The following PCDH9 variants were observed in gnomAD, a reference collection of about 807,000 sequenced individuals.
PCDH9 encodes the protein protocadherin 9.
A neutral mutation model predicts 70.6 loss-of-function variants in PCDH9; 24 were observed. That is an observed-to-expected ratio of 0.34 (90% CI 0.25 to 0.48). PCDH9 has a LOEUF of 0.48. Among genes scored for constraint, PCDH9 ranks in the 20% least tolerant of loss-of-function variants. The pLI is 0.99. For missense variants in PCDH9, 1,281 were observed against 1,503.6 expected (o/e 0.85, Z 2.45); for synonymous variants, 562 against 558.5 (o/e 1.01, Z -0.09).
chr13:66,903,535 T>C lies in PCDH9; in HGVS notation c.3107A>G (p.His1036Arg). ...ATGGCTTTCTTCATTCTCCTGAATG[T>C]GGAAACCCGTGGAGCTGGGACATTT... ...PQKCPSSTGFHIQENEESHYE... is the reference protein window; with the variant it reads ...PQKCPSSTGFRIQENEESHYE... The change falls in exon 3 of 5, where the codon CAC becomes CGC. Residue 1036 changes from histidine to arginine, a missense_variant. His to Arg is a conservative substitution (Grantham distance 29). Coordinates refer to ENST00000377865, the MANE Select transcript of PCDH9 (RefSeq NM_203487.3). 1 of 1,565,778 alleles carries C rather than the reference T, an allele frequency of 6.4e-7. No individual in the cohort carries two copies. Among genetic ancestry groups the C allele is most frequent in the South Asian group, 1.1e-5 (1 of 89,804 alleles).
intron 4 of PCDH9, among the ~76,000 whole-genome samples, chr13:66,319,948 C>T (rs990420778): frequency 6.6e-6 from 1 of 152,002 alleles, no homozygotes; most frequent in Non-Finnish European, 1.5e-5. Flanking sequence ...CTGACAGGCA[C>T]AATCAACTTA....
At chr13:67,099,748 G>A (rs1466013333) in intron 2 of PCDH9, among the ~76,000 whole-genome samples, 1 of 152,094 alleles carries the variant, frequency 6.6e-6, no homozygotes, top group Non-Finnish European at 1.5e-5. Flanking sequence ...ATTCACGCTC[G>A]CTCACTGCAA....
intron 2 of PCDH9, among the ~76,000 whole-genome samples, chr13:66,933,378 TA>T (rs1260295712): frequency 6.6e-6 from 1 of 152,158 alleles, no homozygotes; most frequent in African/African-American, 2.4e-5. Context: ...AAATGTTTTG[TA>T]AAACTCAATA....
At chr13:66,895,599 A>G (rs2082164680) in intron 3 of PCDH9, among the ~76,000 whole-genome samples, 1 of 152,240 alleles carries the variant, frequency 6.6e-6, no homozygotes, top group South Asian at 2.1e-4. Flanking sequence ...CCACACACCT[A>G]CATTAATTGA....
intron 3 of PCDH9, among the ~76,000 whole-genome samples, chr13:66,844,475 C>T (rs1251304204): frequency 6.6e-6 from 1 of 151,758 alleles, no homozygotes; most frequent in Non-Finnish European, 1.5e-5. Context: ...ATCCCAGCTA[C>T]TCAGGAGTGT....
intron 3 of PCDH9, among the ~76,000 whole-genome samples, chr13:66,737,755 G>A (rs2079176758): frequency 6.6e-6 from 1 of 152,152 alleles, no homozygotes; most frequent in South Asian, 2.1e-4. Context: ...GGAAAATCGG[G>A]CCACTCCCAC....
intron 3 of PCDH9, among the ~76,000 whole-genome samples, chr13:66,811,916 A>T (rs1389094872): frequency 2.0e-5 from 3 of 151,998 alleles, no homozygotes; most frequent in African/African-American, 7.2e-5. Flanking sequence ...AATATATTTT[A>T]AAATTTTTAT....
intron 2 of PCDH9, chr13:67,224,698 T>A: frequency 2.2e-6 from 1 of 460,654 alleles, no homozygotes. Flanking sequence ...ATTCTTTTCT[T>A]TTTAAATCAG....
chr13:66,314,645 T>G (rs1955618684), intron 4 of PCDH9, among the ~76,000 whole-genome samples: 1 of 152,224 alleles, frequency 6.6e-6, no homozygotes, highest in Non-Finnish European at 1.5e-5. Context: ...CTAATTGGCA[T>G]TTTCAAGTTA....
intron 4 of PCDH9, among the ~76,000 whole-genome samples, chr13:66,597,826 A>G (rs912721561): frequency 2.0e-5 from 3 of 151,866 alleles, no homozygotes; most frequent in African/African-American, 7.2e-5. Context: ...TTCGCAAACC[A>G]TATATCTGAT....
At chr13:66,618,056 T>C (rs73196702) in intron 4 of PCDH9, among the ~76,000 whole-genome samples, 33,095 of 152,066 alleles carry the variant, frequency 0.22, 4,241 homozygotes, top group Middle Eastern at 0.33. Flanking sequence ...GCCCCTCCTC[T>C]TCCTGGGTGG....
intron 4 of PCDH9, among the ~76,000 whole-genome samples, chr13:66,405,651 G>A (rs977420844): frequency 6.6e-6 from 1 of 152,138 alleles, no homozygotes; most frequent in African/African-American, 2.4e-5. Flanking sequence ...CAAAGGCTGC[G>A]TTAAAGATGC....
intron 4 of PCDH9, among the ~76,000 whole-genome samples, chr13:66,569,474 C>T (rs1442718942): frequency 6.6e-6 from 1 of 152,088 alleles, no homozygotes; most frequent in Non-Finnish European, 1.5e-5. Context: ...GTCTTTTCCA[C>T]TTAAGAATAT....
chr13:66,982,877 A>G (rs374190221), intron 2 of PCDH9, among the ~76,000 whole-genome samples: 1 of 152,350 alleles, frequency 6.6e-6, no homozygotes, highest in East Asian at 1.9e-4. Flanking sequence ...CTTGACTTAC[A>G]TTCAAATTTA....
chr13:66,713,457 T>C (rs2078822019), intron 3 of PCDH9, among the ~76,000 whole-genome samples: 1 of 151,326 alleles, frequency 6.6e-6, no homozygotes, highest in African/African-American at 2.4e-5. Context: ...ACTTCAAAGC[T>C]TCACTCTCTC....
chr13:67,191,379 A>G (rs1203823769), intron 2 of PCDH9, among the ~76,000 whole-genome samples: 1 of 152,150 alleles, frequency 6.6e-6, no homozygotes, highest in Non-Finnish European at 1.5e-5. Flanking sequence ...TTGGCTCTCA[A>G]TAAATACTTG....
At chr13:66,535,854 A>G (rs992162800) in intron 4 of PCDH9, among the ~76,000 whole-genome samples, 1 of 152,020 alleles carries the variant, frequency 6.6e-6, no homozygotes, top group South Asian at 2.1e-4. Context: ...AGCCCCCACT[A>G]TAACTACAAA....
At chr13:67,194,123 T>C (rs1477247227) in intron 2 of PCDH9, among the ~76,000 whole-genome samples, 1 of 152,144 alleles carries the variant, frequency 6.6e-6, no homozygotes, top group African/African-American at 2.4e-5. Context: ...GGGAATCTTA[T>C]CAGTCTTACT....
chr13:67,047,466 A>G (rs552932618), intron 2 of PCDH9, among the ~76,000 whole-genome samples: 1 of 152,212 alleles, frequency 6.6e-6, no homozygotes, highest in Non-Finnish European at 1.5e-5. Flanking sequence ...CAAACTATAT[A>G]GTTACATACA....
Sources: allele counts gnomAD v4.1 joint callset (sites outside exome capture counted in the v4.1 genomes callset), GRCh38; gene constraint gnomAD v4.1.1; transcripts MANE v1.5; gene names NCBI Gene and HGNC (gene_info 2026-07-23, HGNC 2026-07-21).